Variants in DOCK5 observed in about 807,000 individuals in gnomAD.
DOCK5 encodes dedicator of cytokinesis 5, also known as dedicator of cytokinesis protein 5.
A neutral mutation model predicts 251.8 loss-of-function variants in DOCK5; 142 were observed. The observed-to-expected ratio is 0.56, with a 90% CI of 0.49 to 0.65. The LOEUF is 0.65. DOCK5 is among the 30% of genes least tolerant of loss of function. DOCK5 has a pLI of 0.00. For missense variants in DOCK5, 2,111 were observed against 2,312.3 expected, an observed-to-expected ratio of 0.91 and a Z score of 1.79; for synonymous variants, 842 against 835.5, an observed-to-expected ratio of 1.01 and a Z score of -0.13.
chr8:25,342,686 T>A (rs1408463838), intron 25 of DOCK5, among the ~76,000 whole-genome samples, 179 bp downstream of exon 25: 1 of 146,740 alleles, frequency 6.8e-6, no homozygotes, highest in Non-Finnish European at 1.5e-5. Context: ...TGTTTGTTTT[T>A]TCTTGTTTTT....
chr8:25,269,104 G>T (rs576572572), intron 3 of DOCK5, among the ~76,000 whole-genome samples: 1 of 152,298 alleles, frequency 6.6e-6, no homozygotes, highest in East Asian at 1.9e-4. Flanking sequence ...CCAATTCAAG[G>T]AGAAAATCCT....
intron 27 of DOCK5, among the ~76,000 whole-genome samples, chr8:25,355,930 C>T (rs1329697653): frequency 3.3e-5 from 5 of 151,816 alleles, no homozygotes; most frequent in South Asian, 4.2e-4. Context: ...TGGTGGCTCA[C>T]GCCTGTAATC....
chr8:25,202,566 C>G lies in DOCK5; in HGVS notation c.43+17615C>G, dbSNP rs76238300. Among the ~76,000 whole-genome samples the G allele has an allele frequency of 6.1e-4, 93 of 152,310 alleles. 2 individuals are homozygous for G. The East Asian group carries it at 0.017, about 28-fold the overall frequency. The stretch of plus-strand genomic sequence containing the variant: ...TCTGAGGAAGCCCATGTTCACTGAG[C>G]ACCTTTTATGTTCCAGGGTCTTGCT... On this transcript the variant is annotated intron_variant, in intron 1 of 51. Coordinates refer to ENST00000276440, the MANE Select transcript of DOCK5 (RefSeq NM_024940.8).
intron 1 of DOCK5, among the ~76,000 whole-genome samples, chr8:25,231,770 A>G (rs1303064655): frequency 6.6e-6 from 1 of 152,192 alleles, no homozygotes; most frequent in African/African-American, 2.4e-5. Context: ...ACCTGGTATT[A>G]GAGGAGCACA....
intron 25 of DOCK5, among the ~76,000 whole-genome samples, chr8:25,343,963 G>A (rs1243880402): frequency 6.6e-6 from 1 of 152,264 alleles, no homozygotes; most frequent in East Asian, 1.9e-4. Flanking sequence ...GCACCACCAT[G>A]CCCAGCTAAT....
chr8:25,254,796 A>AC lies in DOCK5; in HGVS notation c.127+11039_127+11040insC, dbSNP rs1181431881. On this transcript the variant is annotated intron_variant, in intron 2 of 51. Coordinates refer to ENST00000276440, the MANE Select transcript of DOCK5 (RefSeq NM_024940.8). ...CTCAAAAAAAAACAAAACAAAACAA[A>AC]AAAAAAAAACATTTGATAAAGGACT... 1.4e-4 allele frequency among the ~76,000 whole-genome samples: 20 copies of AC among 147,366 alleles called. 4 individuals carry two copies. The highest frequency in any genetic ancestry group is 4.2e-4 in the African/African-American group (17 of 40,258).
chr8:25,331,151 C>T (rs924863312), intron 18 of DOCK5, among the ~76,000 whole-genome samples: 1 of 151,784 alleles, frequency 6.6e-6, no homozygotes, highest in Non-Finnish European at 1.5e-5. Context: ...CTAGATAGTG[C>T]TCTGAATAGA....
chr8:25,197,835 C>T (rs1464903778), intron 1 of DOCK5, among the ~76,000 whole-genome samples: 3 of 151,000 alleles, frequency 2.0e-5, no homozygotes, highest in African/African-American at 7.3e-5. Context: ...ACTGCAAGCT[C>T]AGCCTCCCTG....
intron 28 of DOCK5, among the ~76,000 whole-genome samples, chr8:25,360,949 A>G (rs1312875102): frequency 6.6e-6 from 1 of 152,088 alleles, no homozygotes; most frequent in Non-Finnish European, 1.5e-5. Flanking sequence ...AAAGAGGATC[A>G]TTATCCTCAC....
At chr8:25,190,622 A>G (rs1801555314) in intron 1 of DOCK5, among the ~76,000 whole-genome samples, 1 of 152,070 alleles carries the variant, frequency 6.6e-6, no homozygotes, top group African/African-American at 2.4e-5. Flanking sequence ...TAACAGATTA[A>G]GTATCCTTGG....
intron 12 of DOCK5, 92 bp downstream of exon 12, chr8:25,309,017 C>A: frequency 6.7e-7 from 1 of 1,487,826 alleles, no homozygotes; most frequent in Non-Finnish European, 9.0e-7. Context: ...TATTATCTTT[C>A]TCTGATACAA....
chr8:25,331,016 C>G (rs1184434697), intron 18 of DOCK5, among the ~76,000 whole-genome samples: 1 of 151,982 alleles, frequency 6.6e-6, no homozygotes, highest in Non-Finnish European at 1.5e-5. Flanking sequence ...GTGGAGGTTG[C>G]AGGTTGCAAT....
chr8:25,268,876 A>T lies in DOCK5; in HGVS notation c.159A>T (p.Lys53Asn). 6.4e-7 allele frequency: 1 copy of T among 1,560,496 alleles called. No homozygotes were observed. Among genetic ancestry groups the T allele is most frequent in the Non-Finnish European group, 8.6e-7 (1 of 1,157,696 alleles). Residue 53 changes from lysine to asparagine, a missense_variant, in exon 3 of 52, where the codon AAA becomes AAT. Physicochemically the swap from Lys to Asn is moderately conservative, Grantham distance 94 (BLOSUM62 0). Transcript: ENST00000276440. ...GWYRGYTLQN[K>N]SKKGIFPETY... ...ACAGAGGATATACCCTCCAAAATAA[A>T]TCTAAAAAGGTATGACTTATCATTC...
intron 18 of DOCK5, among the ~76,000 whole-genome samples, chr8:25,331,826 A>T (rs945309291): frequency 2.7e-5 from 4 of 150,632 alleles, no homozygotes; most frequent in African/African-American, 9.7e-5. Flanking sequence ...AGAGAGAGAG[A>T]GAGAGAGAGA....
At chr8:25,364,745 C>A (rs994874882) in intron 30 of DOCK5, 41 bp downstream of exon 30, 19 of 1,425,732 alleles carry the variant, frequency 1.3e-5, no homozygotes, top group Non-Finnish European at 1.7e-5. Flanking sequence ...GAATTCTTGG[C>A]CATGGCAAGA....
intron 51 of DOCK5, among the ~76,000 whole-genome samples, chr8:25,410,650 T>TG (rs1008907155): frequency 6.6e-6 from 1 of 151,708 alleles, no homozygotes; most frequent in African/African-American, 2.4e-5. Flanking sequence ...TTTGTTGAAA[T>TG]GGGGTCTCTC....
intron 11 of DOCK5, among the ~76,000 whole-genome samples, chr8:25,306,016 T>C (rs1804912667): frequency 6.6e-6 from 1 of 152,198 alleles, no homozygotes; most frequent in South Asian, 2.1e-4. Context: ...GACCAGTTTC[T>C]AAACATAATA....
At chr8:25,396,299 T>C (rs1801344697) in intron 45 of DOCK5, among the ~76,000 whole-genome samples, 1 of 152,162 alleles carries the variant, frequency 6.6e-6, no homozygotes. Flanking sequence ...AGAATCACTT[T>C]TAACCCCAGA....
chr8:25,302,564 G>T, intron 10 of DOCK5, 110 bp downstream of exon 10: 1 of 1,365,572 alleles, frequency 7.3e-7, no homozygotes, highest in Non-Finnish European at 9.7e-7. Flanking sequence ...CAGCTGCCCT[G>T]CTTCAAAACA....
Sources: gnomAD v4.1 joint callset for allele counts (sites outside exome capture counted in the v4.1 genomes callset) on GRCh38, gnomAD v4.1.1 for gene constraint, MANE v1.5 for transcripts, NCBI Gene and HGNC (gene_info 2026-07-23, HGNC 2026-07-21) for gene names.